CNGB1: variants seen among roughly 807,000 people sequenced by gnomAD.
The protein encoded by CNGB1 is cyclic nucleotide gated channel subunit beta 1.
In CNGB1, 126 loss-of-function variants were observed where a neutral mutation model predicts 151.7. That is an observed-to-expected ratio of 0.83 (90% CI 0.72 to 0.96). The LOEUF (loss-of-function observed/expected upper bound fraction) is 0.96, where lower values mean the gene tolerates loss of function less well. Among genes scored for constraint, CNGB1 ranks in the 40% least tolerant of loss-of-function variants. CNGB1 has a pLI of 0.00. For missense variants in CNGB1, 1,698 were observed against 1,627.0 expected (o/e 1.04, Z -0.75); for synonymous variants, 623 against 635.1 (o/e 0.98, Z 0.29).
At chr16:57,922,204 G>C (rs1348428008) in intron 18 of CNGB1, among the ~76,000 whole-genome samples, 6 of 152,180 alleles carry the variant, frequency 3.9e-5, no homozygotes, top group Non-Finnish European at 8.8e-5. Flanking sequence ...CTGGAAGGAA[G>C]AAGGAAAGCC....
In CNGB1 at chr16:57,917,336, G is replaced by A. The variant is rs181974243; in HGVS notation, c.2098C>T (p.Leu700Phe). 73 of 1,614,112 alleles carry A rather than the reference G, an allele frequency of 4.5e-5. No individual in the cohort carries two copies. The East Asian group carries it at 8.7e-4, about 19-fold the overall frequency. The change falls in exon 21 of 33, where the codon CTC becomes TTC. Residue 700 changes from leucine to phenylalanine, a missense_variant. By Grantham distance (22) the Leu-to-Phe change is conservative (BLOSUM62 0). Coordinates refer to ENST00000251102, the MANE Select transcript of CNGB1 (RefSeq NM_001297.5). ...ACGGTGATGTCCAGGAAGTAGATGA[G>A]GTCGCATAGGTAATCCATCAGCAGC... The part of the protein sequence containing the change: ...HWLLMDYLCD[L>F]IYFLDITVFQ...
At chr16:57,946,956 C>T (rs550236900) in intron 14 of CNGB1, among the ~76,000 whole-genome samples, 79 of 152,366 alleles carry the variant, frequency 5.2e-4, no homozygotes, top group Non-Finnish European at 9.4e-4. Context: ...TTGTGCAAGG[C>T]TGTCACGTGG....
At position 57,941,508 on chromosome 16, in the gene CNGB1, G is replaced by A. The variant is rs1038446783; in HGVS notation, c.1122-1187C>T. Among the ~76,000 whole-genome samples, 22 of 152,188 alleles carry A rather than the reference G, an allele frequency of 1.4e-4. 1 individual carries two copies. Among genetic ancestry groups the A allele is most frequent in the African/African-American group, 4.6e-4 (19 of 41,438 alleles). Reference sequence around the variant, plus strand: ...ATTGCCACAGCGGCTCCTGGGCTGCGTGCCAGGCAGTCTGCATGAAAAGTC... The same window carrying A: ...ATTGCCACAGCGGCTCCTGGGCTGCATGCCAGGCAGTCTGCATGAAAAGTC... On this transcript the variant is annotated intron_variant, in intron 14 of 32. Transcript: ENST00000251102.
chr16:57,912,110 AT>A (rs1490048381), intron 24 of CNGB1, among the ~76,000 whole-genome samples: 2 of 150,948 alleles, frequency 1.3e-5, no homozygotes, highest in African/African-American at 4.9e-5. Context: ...CAGAGGGGAA[AT>A]GTGTGTGTGT....
At chr16:57,903,185 C>CT (rs60099371) in intron 27 of CNGB1, among the ~76,000 whole-genome samples, 1,967 of 122,630 alleles carry the variant, frequency 0.016, 30 homozygotes, top group African/African-American at 0.031. Context: ...GTCCTTCTTC[C>CT]TTTTTTTTTT....
chr16:57,931,121 T>C (rs1961334474), intron 17 of CNGB1, among the ~76,000 whole-genome samples: 1 of 151,620 alleles, frequency 6.6e-6, no homozygotes, highest in Admixed American at 6.6e-5. Flanking sequence ...ATTTATTATG[T>C]ATTACTATAT....
intron 14 of CNGB1, among the ~76,000 whole-genome samples, chr16:57,945,500 C>T (rs1055151643): frequency 2.0e-5 from 3 of 152,252 alleles, no homozygotes; most frequent in African/African-American, 7.2e-5. Flanking sequence ...GTCTGCTCAT[C>T]TGTCAAATGG....
intron 6 of CNGB1, 46 bp from the exon 7 acceptor site, chr16:57,962,656 T>C: frequency 6.2e-7 from 1 of 1,604,290 alleles, no homozygotes; most frequent in African/African-American, 1.3e-5. Flanking sequence ...GCGGGAGACC[T>C]GCCCCAGCCC....
chr16:57,934,164 T>C (rs917592094), intron 16 of CNGB1, among the ~76,000 whole-genome samples: 2 of 152,118 alleles, frequency 1.3e-5, no homozygotes, highest in African/African-American at 2.4e-5. Flanking sequence ...TTGTTAAAAA[T>C]GTAAAGGGGG....
Position 57,895,553 on chromosome 16 carries a change from A to T in CNGB1, c.3242+1844T>A, listed in dbSNP as rs554285538. Among the ~76,000 whole-genome samples the T allele has an allele frequency of 3.6e-3, 523 of 145,526 alleles. 1 individual carries two copies. Among genetic ancestry groups the T allele is most frequent in the African/African-American group, 0.013 (491 of 38,900 alleles). On this transcript the variant is annotated intron_variant, in intron 31 of 32. Transcript: ENST00000251102. ...ATAATATATTATATATGTATTTTTT[A>T]TATATATATATATATTTGTACTTAT...
chr16:57,923,301 AC>A lies in CNGB1; in HGVS notation c.1614del (p.Trp538CysfsTer35). The A allele has an allele frequency of 6.2e-7, 1 of 1,609,566 alleles. No homozygotes were observed. Among genetic ancestry groups the A allele is most frequent in the South Asian group, 1.1e-5 (1 of 90,922 alleles). Reference protein sequence around the residue: ...LSPAESPVVAWSDPTTPKDTD... With the variant: ...LSPAESPVVAXSDPTTPKDTD... ...GTGTCCTTCGGGGTGGTGGGGTCAG[AC>A]CAGGCAACCACTGGGGACTCTGCTG... On this transcript the variant is annotated frameshift_variant, in exon 18 of 33. Transcript: ENST00000251102. LOFTEE classifies it high-confidence loss of function.
intron 23 of CNGB1, among the ~76,000 whole-genome samples, chr16:57,914,693 C>T (rs1276494959): frequency 6.6e-6 from 1 of 152,162 alleles, no homozygotes; most frequent in African/African-American, 2.4e-5. Context: ...TTTCGCTCTG[C>T]CCAGTGAGTG....
At chr16:57,950,056 C>G (rs1422707919) in intron 13 of CNGB1, among the ~76,000 whole-genome samples, 17 of 152,148 alleles carry the variant, frequency 1.1e-4, no homozygotes, top group Non-Finnish European at 2.5e-4. Context: ...TGAAGATGCC[C>G]TCTATATCCT....
chr16:57,909,772 T>C (rs188852743), intron 25 of CNGB1, among the ~76,000 whole-genome samples: 163 of 152,332 alleles, frequency 1.1e-3, no homozygotes, highest in Non-Finnish European at 1.7e-3. Flanking sequence ...CCACTCCCTC[T>C]GGCCACCAGG....
chr16:57,926,995 A>G (rs1408824115), intron 17 of CNGB1, among the ~76,000 whole-genome samples: 2 of 152,122 alleles, frequency 1.3e-5, no homozygotes, highest in African/African-American at 4.8e-5. Context: ...AACAAAACAA[A>G]ACAAAATAAA....
At position 57,939,738 on chromosome 16, in the gene CNGB1, AC is replaced by A. The variant is rs3833042; in HGVS notation, c.1210-147del. 1.3e-4 allele frequency: 146 copies of A among 1,113,888 alleles called. No individual in the cohort carries two copies. The East Asian group carries it at 3.4e-3, about 26-fold the overall frequency. The allele number at this position is 1,113,888 out of a possible 1,614,324, so 69.0% of individuals were successfully genotyped here. On this transcript the variant is annotated intron_variant, in intron 15 of 32. Transcript: ENST00000251102. ...CCAGCCAGTCAGGTCCTGCCAGCCCACCTTCTGGGCATCCTGGGAGTAGCCT... is the reference window on the plus strand; with the variant it reads ...CCAGCCAGTCAGGTCCTGCCAGCCCACTTCTGGGCATCCTGGGAGTAGCCT...
chr16:57,910,336 C>A (rs763684074), intron 25 of CNGB1, among the ~76,000 whole-genome samples: 1 of 152,158 alleles, frequency 6.6e-6, no homozygotes, highest in East Asian at 1.9e-4. Context: ...CTACTGATAA[C>A]TCTTTCAACC....
At chr16:57,888,689 C>T (rs907920607) in intron 31 of CNGB1, among the ~76,000 whole-genome samples, 15 of 151,958 alleles carry the variant, frequency 9.9e-5, no homozygotes, top group African/African-American at 3.6e-4. Flanking sequence ...TGGGCTCAAG[C>T]GATCTACCCG....
Position 57,963,102 on chromosome 16 carries a change from C to A in CNGB1, c.291-38G>T, listed in dbSNP as rs775406926. The A allele has an allele frequency of 9.8e-6, 15 of 1,524,620 alleles. 1 individual carries two copies. In the South Asian group the frequency reaches 1.5e-4, roughly 15 times the overall value. The allele number at this position is 1,524,620 out of a possible 1,614,324, so 94.4% of individuals were successfully genotyped here. On this transcript the variant is annotated intron_variant, in intron 4 of 32. Coordinates refer to ENST00000251102, the MANE Select transcript of CNGB1 (RefSeq NM_001297.5). ...GAGACACCAGCCCGCCCTCAACTTC[C>A]CCTAGCTCAATGAGGCCCTCGAGGC...
Sources: allele counts gnomAD v4.1 joint callset (sites outside exome capture counted in the v4.1 genomes callset), GRCh38; gene constraint gnomAD v4.1.1; transcripts MANE v1.5; gene names NCBI Gene and HGNC (gene_info 2026-07-23, HGNC 2026-07-21).